ARHGEF16: variants seen among roughly 807,000 people sequenced by gnomAD.
The protein encoded by ARHGEF16 is Rho guanine exchange factor (GEF) 16.
ARHGEF16 carries 59 observed loss-of-function variants against 74.1 expected under a neutral mutation model. That is an observed-to-expected ratio of 0.80 (90% CI 0.65 to 0.99). The LOEUF (loss-of-function observed/expected upper bound fraction) is 0.99, where lower values mean the gene tolerates loss of function less well. ARHGEF16 is among the 50% of genes least tolerant of loss of function. The probability of loss-of-function intolerance (pLI) is 0.00; values close to 1 mark genes in which losing one functional copy is unlikely to be tolerated. For missense variants in ARHGEF16, 948 were observed against 986.6 expected (o/e 0.96, Z 0.52); for synonymous variants, 415 against 412.6 (o/e 1.01, Z -0.07).
intron 1 of ARHGEF16, among the ~76,000 whole-genome samples, chr1:3,455,023 G>T (rs923665498): frequency 5.3e-5 from 8 of 151,832 alleles, no homozygotes; most frequent in Admixed American, 2.0e-4. Context: ...GGGCTGAGCC[G>T]GATGCGACTT....
rs187356100 is a variant in ARHGEF16, at chr1:3,466,542, G to A, written c.634+349G>A. ...GATCAGAGGGCACCGGCCCCACACCGCGGGCTCTGCCCGGACTCTTCGAGG... is the reference window on the plus strand; with the variant it reads ...GATCAGAGGGCACCGGCCCCACACCACGGGCTCTGCCCGGACTCTTCGAGG... On this transcript the variant is annotated intron_variant, in intron 3 of 14. Transcript: ENST00000378378. Among the ~76,000 whole-genome samples, 268 of 152,310 alleles carry A rather than the reference G, an allele frequency of 1.8e-3. 1 individual carries two copies. The highest frequency in any genetic ancestry group is 5.8e-3 in the African/African-American group (240 of 41,564).
intron 1 of ARHGEF16, among the ~76,000 whole-genome samples, chr1:3,460,029 C>T (rs753845384): frequency 3.3e-5 from 5 of 152,332 alleles, no homozygotes; most frequent in South Asian, 2.1e-4. Context: ...ACTTTTGAAA[C>T]GGTGTCTGTG....
chr1:3,463,960 C>T (rs548969358), intron 2 of ARHGEF16, among the ~76,000 whole-genome samples: 2 of 152,202 alleles, frequency 1.3e-5, no homozygotes, highest in African/African-American at 4.8e-5. Context: ...CCTGGAAGGG[C>T]CCAGTCCCTG....
intron 1 of ARHGEF16, among the ~76,000 whole-genome samples, chr1:3,457,316 C>G (rs544588710): frequency 6.6e-6 from 1 of 152,178 alleles, no homozygotes; most frequent in Non-Finnish European, 1.5e-5. Flanking sequence ...CCCACTGGGC[C>G]GAGTGGGGTC....
In ARHGEF16 at chr1:3,469,468, C is replaced by T. The variant is rs766429235; in HGVS notation, c.897C>T (p.Tyr299=). The T allele has an allele frequency of 9.9e-6, 16 of 1,613,004 alleles. No homozygotes were observed. Among genetic ancestry groups the T allele is most frequent in the African/African-American group, 2.7e-5 (2 of 74,950 alleles). Residue 299 remains tyrosine, a synonymous_variant, in exon 6 of 15, where the codon TAC becomes TAT. Coordinates refer to ENST00000378378, the MANE Select transcript of ARHGEF16 (RefSeq NM_014448.4). The stretch of plus-strand genomic sequence containing the variant: ...AGATCCTCACGTCGGAGTTCTCCTA[C>T]CAGCACAGCCTGAGCATCCTGGTGG... The part of the protein sequence containing the change: ...MFEILTSEFS[Y]QHSLSILVEE...
intron 2 of ARHGEF16, among the ~76,000 whole-genome samples, chr1:3,464,521 G>A (rs567388843): frequency 1.3e-5 from 2 of 152,290 alleles, no homozygotes; most frequent in African/African-American, 4.8e-5. Context: ...CCCTGGAACC[G>A]CCCATCAGGA....
At chr1:3,458,342 C>T (rs1384305254) in intron 1 of ARHGEF16, among the ~76,000 whole-genome samples, 2 of 152,248 alleles carry the variant, frequency 1.3e-5, no homozygotes, top group East Asian at 1.9e-4. Context: ...CACTGGCCCA[C>T]GTGGCTGCTG....
At chr1:3,474,650 G>A in intron 8 of ARHGEF16, 58 bp from the exon 9 acceptor site, 2 of 1,520,676 alleles carry the variant, frequency 1.3e-6, no homozygotes, top group South Asian at 1.1e-5. Context: ...GTTGGTGGGA[G>A]CCTCCACACC....
At position 3,471,109 on chromosome 1, in the gene ARHGEF16, CCTGGGCAGGGGTGT is replaced by C. The variant is rs1464614985; in HGVS notation, c.1022+1517_1022+1530del. Among the ~76,000 whole-genome samples, 7 of 134,588 alleles carry C rather than the reference CCTGGGCAGGGGTGT, an allele frequency of 5.2e-5. No homozygotes were observed. In the East Asian group the frequency reaches 1.6e-3, roughly 31 times the overall value. The allele number at this position is 134,588 out of a possible 152,430, so 88.3% of individuals were successfully genotyped here. On this transcript the variant is annotated intron_variant, in intron 6 of 14. Coordinates refer to ENST00000378378, the MANE Select transcript of ARHGEF16 (RefSeq NM_014448.4). ...GGGTGTGTGTGCGTGGGTGTGTGTG[CCTGGGCAGGGGTGT>C]GTGTGCGTGGGTGTGTGTGCCTGGG...
At position 3,468,597 on chromosome 1, in the gene ARHGEF16, C is replaced by T. The variant is rs1639614694; in HGVS notation, c.805-283C>T. 1.0e-5 allele frequency: 5 copies of T among 480,060 alleles called. No individual in the cohort carries two copies. In the South Asian group the frequency reaches 1.1e-4, roughly 10 times the overall value. 29.7% of individuals were successfully genotyped at this position (480,060 alleles called of 1,614,324 possible). A position where few individuals can be genotyped will look rare whatever the true frequency, so the allele number is the denominator to read the frequency against. On this transcript the variant is annotated intron_variant, in intron 4 of 14. Transcript: ENST00000378378. ...TCTGTGGGACAAGATCCCCCCCCGCCCTCTGGCCTCTCCCTCTGGATGCCC... is the reference window on the plus strand; with the variant it reads ...TCTGTGGGACAAGATCCCCCCCCGCTCTCTGGCCTCTCCCTCTGGATGCCC...
At chr1:3,461,649 T>C (rs1475052504) in intron 1 of ARHGEF16, among the ~76,000 whole-genome samples, 2 of 152,174 alleles carry the variant, frequency 1.3e-5, no homozygotes, top group Admixed American at 6.5e-5. Flanking sequence ...CTGACCGCTG[T>C]GGCCGAGCAA....
intron 6 of ARHGEF16, among the ~76,000 whole-genome samples, chr1:3,470,818 ATGTG>A (rs1430013181): frequency 2.8e-5 from 3 of 106,820 alleles, no homozygotes; most frequent in Non-Finnish European, 5.7e-5. Context: ...ATGTGCATGG[ATGTG>A]TGTGTGGGCA....
chr1:3,467,396 C>G (rs1639578498), intron 4 of ARHGEF16, 59 bp downstream of exon 4: 3 of 1,484,882 alleles, frequency 2.0e-6, no homozygotes, highest in Admixed American at 2.2e-5. Flanking sequence ...CACAGTCCCC[C>G]TGCTGTTCCT....
chr1:3,479,291 C>T (rs1447253358), intron 12 of ARHGEF16, among the ~76,000 whole-genome samples: 1 of 152,122 alleles, frequency 6.6e-6, no homozygotes, highest in African/African-American at 2.4e-5. Flanking sequence ...GGCCTCAGGT[C>T]CAGCAGGCTG....
chr1:3,469,824 C>T (rs1322778993), intron 6 of ARHGEF16, among the ~76,000 whole-genome samples: 3 of 152,166 alleles, frequency 2.0e-5, no homozygotes, highest in Admixed American at 6.5e-5. Flanking sequence ...GCATCCTGGT[C>T]GTTCTTAAGA....
rs899368799 is a variant in ARHGEF16 at position 3,481,058 on chromosome 1, G to A, written c.*471G>A. The A allele has an allele frequency of 2.5e-5, 4 of 162,018 alleles. No homozygotes were observed. Among genetic ancestry groups the A allele is most frequent in the East Asian group, 1.8e-4 (1 of 5,604 alleles). The allele number at this position is 162,018 out of a possible 1,614,324, so 10.0% of individuals were successfully genotyped here. ...GGGGCCGGCCGGAGGGAGGGGACCC[G>A]GCAGGGAGATTTCGGTTTTGAGGTT... On this transcript the variant is annotated 3_prime_UTR_variant, in exon 15 of 15. Coordinates refer to ENST00000378378, the MANE Select transcript of ARHGEF16 (RefSeq NM_014448.4).
chr1:3,477,004 T>C (rs1639896588), intron 10 of ARHGEF16, among the ~76,000 whole-genome samples: 1 of 151,952 alleles, frequency 6.6e-6, no homozygotes, highest in Non-Finnish European at 1.5e-5. Flanking sequence ...CCAGGCCTGG[T>C]CCACCCCTGA....
At chr1:3,458,804 A>G (rs61759235) in intron 1 of ARHGEF16, among the ~76,000 whole-genome samples, 3,349 of 152,286 alleles carry the variant, frequency 0.022, 51 homozygotes, top group Middle Eastern at 0.041. Context: ...AAGAAAATGT[A>G]ATCCTTCCTC....
intron 12 of ARHGEF16, 124 bp from the exon 13 acceptor site, chr1:3,479,379 TCTGCCCAGCCACTC>T: frequency 1.1e-6 from 1 of 944,294 alleles, no homozygotes; most frequent in Non-Finnish European, 1.6e-6. Context: ...CCTGGCACAG[TCTGCCCAGCCACTC>T]CTGCCCACCC....
Sources: gnomAD v4.1 joint callset for allele counts (sites outside exome capture counted in the v4.1 genomes callset) on GRCh38, gnomAD v4.1.1 for gene constraint, MANE v1.5 for transcripts, NCBI Gene and HGNC (gene_info 2026-07-23, HGNC 2026-07-21) for gene names.